SLCO4A1: variants seen among roughly 807,000 people sequenced by gnomAD.
The protein encoded by SLCO4A1 is solute carrier organic anion transporter family member 4A1.
Under a neutral mutation model 64.6 loss-of-function variants are expected in SLCO4A1, and 51 were observed. The ratio of observed to expected loss-of-function variants is 0.79; its 90% CI spans 0.63 to 1.00. SLCO4A1 has a LOEUF of 1.00. SLCO4A1 is among the 50% of genes least tolerant of loss of function. The pLI is 0.00. For missense variants in SLCO4A1, 919 were observed against 980.5 expected, an observed-to-expected ratio of 0.94 and a Z score of 0.84; for synonymous variants, 471 against 444.9, an observed-to-expected ratio of 1.06 and a Z score of -0.74.
rs1985021118 is a variant in SLCO4A1 at position 62,661,930 on chromosome 20, C to T, written c.1121+755C>T. Reference sequence around the variant, plus strand: ...TCATGCCTTCCCTGGGGGGCTCTCCCCAGGGCTGGGCACAGGTGGCCCTCA... The same window carrying T: ...TCATGCCTTCCCTGGGGGGCTCTCCTCAGGGCTGGGCACAGGTGGCCCTCA... On this transcript the variant is annotated intron_variant, in intron 5 of 11. Coordinates refer to ENST00000217159, the MANE Select transcript of SLCO4A1 (RefSeq NM_016354.4). The surrounding 1 kb of genome is among the most constrained non-coding windows in gnomAD (Gnocchi z 5.2). Among the ~76,000 whole-genome samples the T allele has an allele frequency of 6.6e-6, 1 of 152,108 alleles. No individual in the cohort carries two copies. Among genetic ancestry groups the T allele is most frequent in the Admixed American group, 6.5e-5 (1 of 15,288 alleles).
In SLCO4A1 at chr20:62,645,290, G is replaced by A. The variant is rs989564113; in HGVS notation, c.-97+2737G>A. 6.6e-6 allele frequency among the ~76,000 whole-genome samples: 1 copy of A among 152,094 alleles called. No individual in the cohort carries two copies. The highest frequency in any genetic ancestry group is 2.1e-4 in the South Asian group (1 of 4,826). On this transcript the variant is annotated intron_variant, in intron 1 of 11. Coordinates refer to ENST00000217159, the MANE Select transcript of SLCO4A1 (RefSeq NM_016354.4). The surrounding 1 kb of genome is among the most constrained non-coding windows in gnomAD (Gnocchi z 4.2). ...AGCCTTGGCCCTGCCAGGGGTGTGA[G>A]GAGGAAACTGGCCCTGCTGCTGGGA...
At chr20:62,662,652 G>A (rs1569137125) in intron 5 of SLCO4A1, among the ~76,000 whole-genome samples, 2 of 152,196 alleles carry the variant, frequency 1.3e-5, no homozygotes, top group Non-Finnish European at 2.9e-5. Flanking sequence ...CAGAGAGTCA[G>A]GGCCTCCTAA....
At position 62,645,669 on chromosome 20, in the gene SLCO4A1, G is replaced by A. The variant is rs962107014; in HGVS notation, c.-97+3116G>A. On this transcript the variant is annotated intron_variant, in intron 1 of 11. Coordinates refer to ENST00000217159, the MANE Select transcript of SLCO4A1 (RefSeq NM_016354.4). This position sits in a 1 kb window ranked among gnomAD's most constrained non-coding sequence, Gnocchi z 4.2. ...GAAGGTGACTGCTTTTTCAAACCAC[G>A]TGCCTTCTGCAGAAGCCGCTCCCCA... Among the ~76,000 whole-genome samples, 3 of 151,838 alleles carry A rather than the reference G, an allele frequency of 2.0e-5. No homozygotes were observed. The highest frequency in any genetic ancestry group is 4.8e-5 in the African/African-American group (2 of 41,354).
At position 62,667,325 on chromosome 20, in the gene SLCO4A1, C is replaced by T. The variant is rs186879573; in HGVS notation, c.1473-420C>T. Reference sequence around the variant, plus strand: ...CTGCCGAGGGGCGTGTACGTGCAGACGACCCCTGCAAATGCACAGCCGGCC... The same window carrying T: ...CTGCCGAGGGGCGTGTACGTGCAGATGACCCCTGCAAATGCACAGCCGGCC... On this transcript the variant is annotated intron_variant, in intron 7 of 11. Transcript: ENST00000217159. Among the ~76,000 whole-genome samples the T allele has an allele frequency of 9.4e-4, 143 of 152,362 alleles. 1 individual carries two copies. The highest frequency in any genetic ancestry group is 3.3e-3 in the African/African-American group (138 of 41,590).
chr20:62,654,208 G>A (rs1601623736), intron 1 of SLCO4A1, among the ~76,000 whole-genome samples: 1 of 152,306 alleles, frequency 6.6e-6, no homozygotes, highest in East Asian at 1.9e-4. Flanking sequence ...CTGTCTGCAG[G>A]TGGCCTTCTC....
In SLCO4A1 at chr20:62,657,173, G is replaced by A. The variant is rs1983906122; in HGVS notation, c.719G>A (p.Gly240Asp). ...FMLGQFLHGVGATPLYTLGVT... is the reference protein window; with the variant it reads ...FMLGQFLHGVDATPLYTLGVT... ...CTGGGCCAGTTCCTGCATGGCGTGG[G>A]TGCCACACCCCTCTACACGCTGGGC... Residue 240 changes from glycine (G) to aspartate (D), a missense_variant, in exon 2 of 12, where the codon GGT (glycine) becomes GAT (aspartate). Gly to Asp is a moderately conservative substitution (Grantham distance 94, BLOSUM62 -1). Coordinates refer to ENST00000217159, the MANE Select transcript of SLCO4A1 (RefSeq NM_016354.4). The A allele has an allele frequency of 4.5e-6, 7 of 1,555,888 alleles. No homozygotes were observed. Among genetic ancestry groups the A allele is most frequent in the Non-Finnish European group, 6.1e-6 (7 of 1,150,626 alleles).
intron 2 of SLCO4A1, among the ~76,000 whole-genome samples, chr20:62,681,628 G>A (rs1987838721): frequency 1.3e-5 from 2 of 151,406 alleles, no homozygotes; most frequent in South Asian, 4.1e-4. Flanking sequence ...TGTATTGACT[G>A]TGCTCGAATA....
chr20:62,666,744 CG>C, intron 7 of SLCO4A1, 169 bp downstream of exon 7: 1 of 634,570 alleles, frequency 1.6e-6, no homozygotes, highest in South Asian at 1.9e-5. Context: ...GCAGCATCCA[CG>C]TGAAAAGGCA....
intron 5 of SLCO4A1, chr20:62,663,320 A>G (rs956674590): frequency 6.6e-6 from 1 of 152,226 alleles, no homozygotes; most frequent in African/African-American, 2.4e-5. Flanking sequence ...CCAGGCATTC[A>G]GAGTTGCGTT....
chr20:62,669,443 G>A (rs996154658), intron 11 of SLCO4A1, among the ~76,000 whole-genome samples: 1 of 152,232 alleles, frequency 6.6e-6, no homozygotes, highest in Non-Finnish European at 1.5e-5. Context: ...TCCTGTTAGA[G>A]CGGCTTGACT....
At position 62,666,570 on chromosome 20, in the gene SLCO4A1, C is replaced by A. The variant is rs200568659; in HGVS notation, c.1467C>A (p.Gly489=). The part of the protein sequence containing the change: ...VPMAGVTASY[G]GSLLPEGHLN... ...TGGCGGGCGTCACAGCCAGCTACGG[C>A]GGGAGGTGAGGGCCAGATGGCACCT... The change falls in exon 7 of 12, where the codon GGC becomes GGA. Residue 489 remains glycine, a synonymous_variant. Transcript: ENST00000217159. The A allele has an allele frequency of 6.2e-7, 1 of 1,611,964 alleles. No individual in the cohort carries two copies. Among genetic ancestry groups the A allele is most frequent in the Admixed American group, 1.7e-5 (1 of 60,012 alleles).
At chr20:62,654,929 G>A (rs191950110) in intron 1 of SLCO4A1, among the ~76,000 whole-genome samples, 7 of 152,268 alleles carry the variant, frequency 4.6e-5, no homozygotes, top group Admixed American at 3.9e-4. Context: ...AGCTACTTCC[G>A]GCCTCCCTCC....
Position 62,656,613 on chromosome 20 carries a change from C to G in SLCO4A1, c.159C>G (p.Asp53Glu). 1 of 1,599,936 alleles carries G rather than the reference C, an allele frequency of 6.3e-7. No individual in the cohort carries two copies. The highest frequency in any genetic ancestry group is 8.5e-7 in the Non-Finnish European group (1 of 1,174,990). Residue 53 changes from aspartate to glutamate, a missense_variant, in exon 2 of 12, where the codon GAC becomes GAG. Physicochemically the swap from Asp to Glu is conservative, Grantham distance 45. Transcript: ENST00000217159. ...GCTCCGCTGCCCATAGCCCCCTGGA[C>G]ACCAGCAAGCAGCCCCTCTGCCAGC... is the stretch of plus-strand genomic sequence containing the variant. ...SLRSAAHSPL[D>E]TSKQPLCQLW...
chr20:62,663,387 G>C (rs982302952), intron 5 of SLCO4A1: 1 of 152,230 alleles, frequency 6.6e-6, no homozygotes, highest in Non-Finnish European at 1.5e-5. Flanking sequence ...CCTGCAGGTG[G>C]GGGTGATGTG....
downstream of SLCO4A1, among the ~76,000 whole-genome samples, chr20:62,686,033 C>G (rs1988048322): frequency 6.6e-6 from 1 of 152,108 alleles, no homozygotes; most frequent in Non-Finnish European, 1.5e-5. Flanking sequence ...AAGGTACCCT[C>G]CGGGGACTGG....
At chr20:62,674,944 T>C (rs1428649284), downstream of SLCO4A1, among the ~76,000 whole-genome samples, 3 of 152,148 alleles carry the variant, frequency 2.0e-5, no homozygotes, top group Non-Finnish European at 4.4e-5. Flanking sequence ...GCACGTCCGT[T>C]GTTTGAGCCG....
At chr20:62,668,857 C>G (rs992230680) in intron 10 of SLCO4A1, 73 bp from the exon 11 acceptor site, 1 of 1,485,134 alleles carries the variant, frequency 6.7e-7, no homozygotes, top group African/African-American at 1.4e-5. Flanking sequence ...CATTCCAGGC[C>G]TCTTGGCTGC....
intron 1 of SLCO4A1, among the ~76,000 whole-genome samples, chr20:62,653,388 G>A (rs1478398494): frequency 2.6e-5 from 4 of 152,154 alleles, no homozygotes; most frequent in African/African-American, 9.7e-5. Flanking sequence ...GCCTGCTCCC[G>A]GCCTGACCAT....
rs544562388 is a variant in SLCO4A1 at position 62,645,780 on chromosome 20, C to T, written c.-97+3227C>T. ...AGAGCCCAGATTCCTCTCCCTCCCA[C>T]GCGCAGCCAGGCCCTTCCTGCCCAC... On this transcript the variant is annotated intron_variant, in intron 1 of 11. Coordinates refer to ENST00000217159, the MANE Select transcript of SLCO4A1 (RefSeq NM_016354.4). The surrounding 1 kb of genome is among the most constrained non-coding windows in gnomAD (Gnocchi z 4.2). Among the ~76,000 whole-genome samples the T allele has an allele frequency of 2.2e-4, 33 of 152,028 alleles. No homozygotes were observed. The highest frequency in any genetic ancestry group is 6.5e-4 in the African/African-American group (27 of 41,484).
Sources: allele counts gnomAD v4.1 joint callset (sites outside exome capture counted in the v4.1 genomes callset), GRCh38; gene constraint gnomAD v4.1.1; non-coding constraint Gnocchi (gnomAD v3.1); transcripts MANE v1.5; gene names NCBI Gene and HGNC (gene_info 2026-07-23, HGNC 2026-07-21).